ERCC6: variants seen among roughly 807,000 people sequenced by gnomAD.
The protein encoded by ERCC6 is DNA excision repair protein ERCC-6.
ERCC6 carries 116 observed loss-of-function variants against 158.7 expected under a neutral mutation model. The ratio of observed to expected loss-of-function variants is 0.73; its 90% CI spans 0.63 to 0.85. The LOEUF (loss-of-function observed/expected upper bound fraction) is 0.85. Ranked by LOEUF, ERCC6 falls within the 40% of genes least tolerant of loss-of-function variation. The probability of loss-of-function intolerance (pLI) is 0.00; values close to 1 mark genes in which losing one functional copy is unlikely to be tolerated. For missense variants in ERCC6, 1,698 were observed against 1,799.4 expected, an observed-to-expected ratio of 0.94 and a Z score of 1.02; for synonymous variants, 678 against 659.3, an observed-to-expected ratio of 1.03 and a Z score of -0.43.
intron 12 of ERCC6, among the ~76,000 whole-genome samples, chr10:49,475,115 A>T (rs1320509887): frequency 6.6e-6 from 1 of 152,202 alleles, no homozygotes; most frequent in Non-Finnish European, 1.5e-5. Context: ...TGCACTGTCC[A>T]ATGCAGTAGT....
chr10:49,517,380 C>T (rs1837011459), intron 5 of ERCC6, among the ~76,000 whole-genome samples: 1 of 152,160 alleles, frequency 6.6e-6, no homozygotes, highest in African/African-American at 2.4e-5. Flanking sequence ...CACTTTTTGA[C>T]AAGCTCCCAG....
At chr10:49,488,396 T>C (rs1180740462) in intron 8 of ERCC6, 1 of 152,568 alleles carries the variant, frequency 6.6e-6, no homozygotes, top group Non-Finnish European at 1.5e-5. Flanking sequence ...TTAATTAAAA[T>C]TTCCTTCAAG....
Position 49,530,757 on chromosome 10 carries a change from C to T in ERCC6, c.506G>A (p.Arg169Lys). The change falls in exon 3 of 21, where the codon AGG becomes AAG. Residue 169 changes from arginine to lysine, a missense_variant. Coordinates refer to ENST00000355832, the MANE Select transcript of ERCC6 (RefSeq NM_000124.4). ...PQAATSRDIN[R>K]KLDSVKRQKY... is the part of the protein sequence containing the mutation. ...CTGTCGTTTTACAGAATCTAGTTTC[C>T]TGTTGATGTCTCTGCTGGTGGCAGC... The T allele has an allele frequency of 6.2e-7, 1 of 1,613,692 alleles. No individual in the cohort carries two copies. The highest frequency in any genetic ancestry group is 8.5e-7 in the Non-Finnish European group (1 of 1,179,862).
rs1489193218 is a variant in ERCC6 at position 49,526,108 on chromosome 10, TA to T, written c.653-1332del. The stretch of plus-strand genomic sequence containing the variant: ...ATTTATATTTATATATTTATATATT[TA>T]TATATTTTTATATATATATATATAT... On this transcript the variant is annotated intron_variant, in intron 4 of 20. Coordinates refer to ENST00000355832, the MANE Select transcript of ERCC6 (RefSeq NM_000124.4). 6.9e-4 allele frequency among the ~76,000 whole-genome samples: 53 copies of T among 76,446 alleles called. 4 individuals carry two copies. The highest frequency in any genetic ancestry group is 2.2e-3 in the African/African-American group (34 of 15,752). 50.2% of individuals were successfully genotyped at this position (76,446 alleles called of 152,430 possible). A position where few individuals can be genotyped will look rare whatever the true frequency, so the allele number is the denominator to read the frequency against.
At chr10:49,447,180 C>T in the ERCC6 span, among the ~76,000 whole-genome samples, 2 of 152,190 alleles carry the variant, frequency 1.3e-5, no homozygotes, top group East Asian at 3.8e-4. Flanking sequence ...CAGATGATAT[C>T]CACAAAGGAA....
intron 8 of ERCC6, among the ~76,000 whole-genome samples, 193 bp from the exon 9 acceptor site, chr10:49,483,709 A>C (rs1447392672): frequency 6.6e-6 from 1 of 152,130 alleles, no homozygotes; most frequent in East Asian, 1.9e-4. Flanking sequence ...AGCCGTTATT[A>C]GGGGAAGGAG....
At chr10:49,534,150 AAAAAC>A (rs1837540710) in intron 1 of ERCC6, among the ~76,000 whole-genome samples, 1 of 100,770 alleles carries the variant, frequency 9.9e-6, no homozygotes, top group Admixed American at 9.1e-5. Context: ...AAAAAAAAAA[AAAAAC>A]AAAAAAAAAA....
chr10:49,536,425 C>G (rs543677055), intron 1 of ERCC6, among the ~76,000 whole-genome samples: 17 of 152,198 alleles, frequency 1.1e-4, no homozygotes, highest in African/African-American at 3.4e-4. Context: ...CAGAAATGAA[C>G]AGGAGGCACA....
intron 18 of ERCC6, among the ~76,000 whole-genome samples, chr10:49,462,393 A>C (rs1381713906): frequency 6.6e-6 from 1 of 152,194 alleles, no homozygotes; most frequent in Non-Finnish European, 1.5e-5. Flanking sequence ...GTAAAAAGCA[A>C]AACCATACAA....
At position 49,532,868 on chromosome 10, in the gene ERCC6, G is replaced by T. The variant is rs753464046; in HGVS notation, c.97C>A (p.Gln33Lys). 3.1e-6 allele frequency: 5 copies of T among 1,614,072 alleles called. No homozygotes were observed. In the African/African-American group the frequency reaches 6.7e-5, roughly 22 times the overall value. Reference sequence around the variant, plus strand: ...ACCTCCCCATCACCACCACTTTCTTGCTTGATTGCCATTTCTTCATTATTA... The same window carrying T: ...ACCTCCCCATCACCACCACTTTCTTTCTTGATTGCCATTTCTTCATTATTA... ...VSNNEEMAIK[Q>K]ESGGDGEVEE... Residue 33 changes from glutamine (Q) to lysine (K), a missense_variant, in exon 2 of 21, where the codon CAA (glutamine) becomes AAA (lysine). Coordinates refer to ENST00000355832, the MANE Select transcript of ERCC6 (RefSeq NM_000124.4).
At chr10:49,515,240 A>G in intron 5 of ERCC6, 3 of 1,453,608 alleles carry the variant, frequency 2.1e-6, no homozygotes, top group Non-Finnish European at 2.7e-6. Context: ...TTGTTATGTG[A>G]CGTTCCAAAA....
At chr10:49,487,991 C>T (rs1851104464) in intron 8 of ERCC6, among the ~76,000 whole-genome samples, 1 of 152,166 alleles carries the variant, frequency 6.6e-6, no homozygotes. Context: ...CTATAGCTGC[C>T]TAGACTGGAG....
At chr10:49,482,973 G>T (rs1202186530) in intron 9 of ERCC6, 110 bp from the exon 10 acceptor site, 1 of 1,142,358 alleles carries the variant, frequency 8.8e-7, no homozygotes, top group East Asian at 2.5e-5. Context: ...CATCATTCTT[G>T]CATCATTTTG....
chr10:49,471,291 A>AG (rs1363057171), intron 16 of ERCC6, among the ~76,000 whole-genome samples, 171 bp from the exon 17 acceptor site: 16 of 152,192 alleles, frequency 1.1e-4, no homozygotes, highest in Admixed American at 9.8e-4. Flanking sequence ...ATAATACATC[A>AG]GTTAATCTCC....
intron 6 of ERCC6, 158 bp downstream of exon 6, chr10:49,505,726 G>T: frequency 2.6e-6 from 2 of 756,662 alleles, no homozygotes; most frequent in Non-Finnish European, 4.3e-6. Flanking sequence ...TTAATGAACA[G>T]CACGTGGCTA....
At chr10:49,442,080 G>A in the ERCC6 span, among the ~76,000 whole-genome samples, 5 of 152,176 alleles carry the variant, frequency 3.3e-5, no homozygotes, top group Non-Finnish European at 5.9e-5. Flanking sequence ...AGGGGTGGGG[G>A]CCTGTCTTTT....
At chr10:49,498,014 A>G (rs1056350721) in intron 7 of ERCC6, among the ~76,000 whole-genome samples, 10 of 152,228 alleles carry the variant, frequency 6.6e-5, no homozygotes, top group African/African-American at 1.4e-4. Flanking sequence ...CCTTTTCATT[A>G]TAAGATTGAG....
rs1013662841 is a variant in ERCC6, at chr10:49,538,606, G to A, written c.-15+356C>T. Among the ~76,000 whole-genome samples, 4 of 152,170 alleles carry A rather than the reference G, an allele frequency of 2.6e-5. No individual in the cohort carries two copies. In the South Asian group the frequency reaches 6.2e-4, roughly 24 times the overall value. ...TCTATCAACGCCCAAAACGTCGGACGTACATCTAGCCCGACTCTCTTTAAA... is the reference window on the plus strand; with the variant it reads ...TCTATCAACGCCCAAAACGTCGGACATACATCTAGCCCGACTCTCTTTAAA... On this transcript the variant is annotated intron_variant, in intron 1 of 20. Coordinates refer to ENST00000355832, the MANE Select transcript of ERCC6 (RefSeq NM_000124.4).
chr10:49,521,916 G>A (rs1051554912), intron 5 of ERCC6, among the ~76,000 whole-genome samples: 4 of 152,210 alleles, frequency 2.6e-5, no homozygotes, highest in Non-Finnish European at 1.5e-5. Flanking sequence ...TGAACCTAGT[G>A]CCAGTGAAAG....
Sources: gnomAD v4.1 joint callset for allele counts (sites outside exome capture counted in the v4.1 genomes callset) on GRCh38, gnomAD v4.1.1 for gene constraint, MANE v1.5 for transcripts, NCBI Gene and HGNC (gene_info 2026-07-23, HGNC 2026-07-21) for gene names.